The following CPNE8 variants were observed in gnomAD, a reference collection of about 807,000 sequenced individuals.
The protein encoded by CPNE8 is copine-8.
CPNE8 carries 45 observed loss-of-function variants against 81.5 expected under a neutral mutation model. The observed-to-expected ratio is 0.55, with a 90% CI of 0.44 to 0.71. CPNE8 has a LOEUF of 0.71. Ranked by LOEUF, CPNE8 falls within the 30% of genes least tolerant of loss-of-function variation. The pLI is 0.00. For synonymous variants in CPNE8, 252 were observed against 226.3 expected, an observed-to-expected ratio of 1.11 and a Z score of -1.02; for missense variants, 594 against 672.1, an observed-to-expected ratio of 0.88 and a Z score of 1.28.
intron 10 of CPNE8, among the ~76,000 whole-genome samples, chr12:38,748,307 G>A (rs577263518): frequency 4.6e-5 from 7 of 152,056 alleles, no homozygotes; most frequent in Non-Finnish European, 1.0e-4. Context: ...AACCCCATCC[G>A]AACGCAATAC....
chr12:38,784,796 A>G (rs1565613635), intron 6 of CPNE8, among the ~76,000 whole-genome samples: 2 of 152,216 alleles, frequency 1.3e-5, no homozygotes, highest in Non-Finnish European at 2.9e-5. Flanking sequence ...TCCTTCAAAC[A>G]TGAATAAGAC....
At chr12:38,761,521 T>C (rs1430865651) in intron 9 of CPNE8, among the ~76,000 whole-genome samples, 1 of 152,228 alleles carries the variant, frequency 6.6e-6, no homozygotes, top group Non-Finnish European at 1.5e-5. Context: ...AATAGTTCTA[T>C]GATATGGGTT....
At chr12:38,824,046 A>T (rs1446134459) in intron 6 of CPNE8, among the ~76,000 whole-genome samples, 1 of 152,210 alleles carries the variant, frequency 6.6e-6, no homozygotes, top group Non-Finnish European at 1.5e-5. Context: ...TGTAGGATGG[A>T]ATTCAGATGA....
intron 10 of CPNE8, 112 bp from the exon 11 acceptor site, chr12:38,730,470 T>C (rs956216400): frequency 3.9e-6 from 2 of 513,994 alleles, no homozygotes; most frequent in Non-Finnish European, 6.8e-6. Flanking sequence ...GATATTATTA[T>C]GAATATAAAT....
chr12:38,784,705 C>CA (rs1337426647), intron 6 of CPNE8, among the ~76,000 whole-genome samples: 1 of 151,128 alleles, frequency 6.6e-6, no homozygotes, highest in Non-Finnish European at 1.5e-5. Context: ...TTCCAGGACA[C>CA]AAAAGAGTGG....
At chr12:38,718,459 T>C (rs530768864) in intron 13 of CPNE8, among the ~76,000 whole-genome samples, 1 of 152,014 alleles carries the variant, frequency 6.6e-6, no homozygotes, top group Non-Finnish European at 1.5e-5. Flanking sequence ...ACAGGAAACA[T>C]GAAAATAGCT....
At chr12:38,746,724 C>G (rs1433208699) in intron 10 of CPNE8, among the ~76,000 whole-genome samples, 1 of 152,104 alleles carries the variant, frequency 6.6e-6, no homozygotes, top group Admixed American at 6.5e-5. Flanking sequence ...GAACTTGAAT[C>G]AAAATCATCG....
chr12:38,822,358 C>T (rs1011159651), intron 6 of CPNE8, among the ~76,000 whole-genome samples: 8 of 152,074 alleles, frequency 5.3e-5, no homozygotes, highest in African/African-American at 1.7e-4. Context: ...TACCACTTTA[C>T]ATAAGTGTAA....
chr12:38,845,342 T>C (rs934660194), intron 4 of CPNE8, among the ~76,000 whole-genome samples: 4 of 152,154 alleles, frequency 2.6e-5, no homozygotes, highest in Admixed American at 6.5e-5. Flanking sequence ...CGTGTGCAAA[T>C]TGCAATTCTA....
At chr12:38,906,763 C>T (rs148165013), upstream of CPNE8, 1,585 of 256,406 alleles carry the variant, frequency 6.2e-3, 10 homozygotes, top group South Asian at 8.2e-3. Context: ...CACCCGAGCG[C>T]CTGCGGGTCC....
chr12:38,848,538 G>T (rs61937837), intron 4 of CPNE8, 21 bp downstream of exon 4: 14 of 1,551,600 alleles, frequency 9.0e-6, no homozygotes, highest in Admixed American at 2.3e-5. Context: ...TTTTCTAAAC[G>T]CAAGTTTTAG....
At chr12:38,682,022 C>G (rs915135739) in intron 16 of CPNE8, among the ~76,000 whole-genome samples, 1 of 150,234 alleles carries the variant, frequency 6.7e-6, no homozygotes, top group Admixed American at 6.6e-5. Flanking sequence ...GAGTTGGAGA[C>G]CAGCCTGGCC....
At chr12:38,687,008 C>A (rs938502140) in intron 15 of CPNE8, among the ~76,000 whole-genome samples, 6 of 152,154 alleles carry the variant, frequency 3.9e-5, no homozygotes, top group African/African-American at 1.4e-4. Context: ...TATCTAAAAT[C>A]ATGTGTATAT....
At chr12:38,875,600 A>C in intron 1 of CPNE8, among the ~76,000 whole-genome samples, 1 of 152,288 alleles carries the variant, frequency 6.6e-6, no homozygotes, top group Middle Eastern at 3.4e-3. Flanking sequence ...TTTCATATAA[A>C]TCTGGCATCC....
At chr12:38,677,861 T>C (rs527324371) in intron 16 of CPNE8, among the ~76,000 whole-genome samples, 320 of 152,048 alleles carry the variant, frequency 2.1e-3, no homozygotes, top group Admixed American at 5.0e-3. Flanking sequence ...GAAATGGACT[T>C]ATCCTGACTA....
chr12:38,767,761 A>C, intron 7 of CPNE8, 23 bp from the exon 8 acceptor site: 1 of 1,438,520 alleles, frequency 7.0e-7, no homozygotes, highest in Non-Finnish European at 9.3e-7. Context: ...TTAATAAAAC[A>C]GTTCAAGATT....
At chr12:38,777,313 T>A (rs1314133919) in intron 6 of CPNE8, among the ~76,000 whole-genome samples, 3 of 152,092 alleles carry the variant, frequency 2.0e-5, no homozygotes, top group Non-Finnish European at 4.4e-5. Context: ...GATTACTGAA[T>A]AAGGATATAA....
At chr12:38,900,753 T>A (rs1382763614) in intron 1 of CPNE8, among the ~76,000 whole-genome samples, 1 of 152,212 alleles carries the variant, frequency 6.6e-6, no homozygotes, top group African/African-American at 2.4e-5. Flanking sequence ...CATTTTGGGC[T>A]ATGGCACACA....
chr12:38,772,051 G>A (rs1941814611), intron 7 of CPNE8, among the ~76,000 whole-genome samples: 1 of 152,170 alleles, frequency 6.6e-6, no homozygotes, highest in African/African-American at 2.4e-5. Flanking sequence ...TCACAGTCTT[G>A]AATGAGACTG....
Sources: gnomAD v4.1 joint callset for allele counts (sites outside exome capture counted in the v4.1 genomes callset) on GRCh38, gnomAD v4.1.1 for gene constraint, MANE v1.5 for transcripts, NCBI Gene and HGNC (gene_info 2026-07-23, HGNC 2026-07-21) for gene names.